KCNQ5: variants seen among roughly 807,000 people sequenced by gnomAD.
KCNQ5 encodes potassium voltage-gated channel subfamily KQT member 5.
A neutral mutation model predicts 98.2 loss-of-function variants in KCNQ5; 30 were observed. That is an observed-to-expected ratio of 0.31 (90% CI 0.23 to 0.41). The LOEUF (loss-of-function observed/expected upper bound fraction) is 0.41. Ranked by LOEUF, KCNQ5 falls within the 10% of genes least tolerant of loss-of-function variation. The probability of loss-of-function intolerance (pLI) is 1.00; values close to 1 mark genes in which losing one functional copy is unlikely to be tolerated. For synonymous variants in KCNQ5, 458 were observed against 449.4 expected, an observed-to-expected ratio of 1.02 and a Z score of -0.24; for missense variants, 835 against 1,182.5, an observed-to-expected ratio of 0.71 and a Z score of 4.31.
At chr6:72,905,306 C>A (rs1779657330) in intron 1 of KCNQ5, among the ~76,000 whole-genome samples, 1 of 152,058 alleles carries the variant, frequency 6.6e-6, no homozygotes, top group African/African-American at 2.4e-5. Flanking sequence ...TTTCCTTTCA[C>A]TGGGCTTCAC....
At chr6:72,794,910 T>C (rs1774249805) in intron 1 of KCNQ5, among the ~76,000 whole-genome samples, 2 of 152,152 alleles carry the variant, frequency 1.3e-5, no homozygotes, top group Non-Finnish European at 2.9e-5. Flanking sequence ...AAAACTGATT[T>C]AAGCAAAAAA....
intron 1 of KCNQ5, among the ~76,000 whole-genome samples, chr6:72,896,935 T>TTG (rs1345447806): frequency 2.0e-5 from 3 of 149,718 alleles, no homozygotes; most frequent in African/African-American, 7.7e-5. Context: ...GTTTTTTGTT[T>TTG]GTTTGTTGGT....
intron 2 of KCNQ5, among the ~76,000 whole-genome samples, chr6:73,030,108 T>C (rs16883199): frequency 0.024 from 3,681 of 152,218 alleles, 69 homozygotes; most frequent in Non-Finnish European, 0.036. Context: ...ATATTAGATT[T>C]TTCTTTGTGA....
chr6:72,809,091 A>T (rs1775101456), intron 1 of KCNQ5, among the ~76,000 whole-genome samples: 1 of 151,708 alleles, frequency 6.6e-6, no homozygotes, highest in Non-Finnish European at 1.5e-5. Flanking sequence ...TGTCCTTTGT[A>T]GGGACATGGA....
intron 1 of KCNQ5, among the ~76,000 whole-genome samples, chr6:72,983,577 CT>C (rs1268010362): frequency 6.6e-6 from 1 of 152,120 alleles, no homozygotes; most frequent in Admixed American, 6.6e-5. Flanking sequence ...TTCATCTAAT[CT>C]TTTTTCAAGG....
At chr6:72,973,723 T>C (rs1009081988) in intron 1 of KCNQ5, among the ~76,000 whole-genome samples, 5 of 152,244 alleles carry the variant, frequency 3.3e-5, no homozygotes, top group African/African-American at 1.2e-4. Context: ...ATGCTCATTT[T>C]ATCTAATACA....
intron 10 of KCNQ5, among the ~76,000 whole-genome samples, chr6:73,160,312 G>A (rs1470675893): frequency 1.3e-5 from 2 of 152,160 alleles, no homozygotes; most frequent in Admixed American, 1.3e-4. Context: ...CACCGCGCCC[G>A]GCCTTCCGCT....
At chr6:72,825,153 C>CA (rs570034045) in intron 1 of KCNQ5, among the ~76,000 whole-genome samples, 44 of 151,530 alleles carry the variant, frequency 2.9e-4, no homozygotes, top group African/African-American at 8.7e-4. Flanking sequence ...ACAACAACAA[C>CA]AAAAAAACGA....
At chr6:72,858,484 A>G (rs533921205) in intron 1 of KCNQ5, among the ~76,000 whole-genome samples, 12 of 151,602 alleles carry the variant, frequency 7.9e-5, no homozygotes, top group Non-Finnish European at 1.5e-4. Context: ...ATTTATATAT[A>G]TTTATATTTT....
chr6:72,716,710 A>G (rs930750122), intron 1 of KCNQ5, among the ~76,000 whole-genome samples: 1 of 152,214 alleles, frequency 6.6e-6, no homozygotes, highest in Admixed American at 6.5e-5. Flanking sequence ...ATGAACTGTC[A>G]TATTTAGGTT....
At chr6:72,969,045 A>T (rs1390643095) in intron 1 of KCNQ5, among the ~76,000 whole-genome samples, 2 of 152,226 alleles carry the variant, frequency 1.3e-5, no homozygotes. Context: ...GGCTTCTGTA[A>T]GAACTGTTTG....
intron 7 of KCNQ5, 98 bp from the exon 8 acceptor site, chr6:73,120,385 A>T: frequency 1.2e-6 from 1 of 817,456 alleles, no homozygotes; most frequent in East Asian, 2.8e-5. Context: ...GAGGCAAAAG[A>T]TTCTTCATGT....
chr6:72,728,289 T>C (rs992297964), intron 1 of KCNQ5, among the ~76,000 whole-genome samples: 1 of 140,452 alleles, frequency 7.1e-6, no homozygotes, highest in African/African-American at 2.7e-5. Context: ...TTTTAGGAAA[T>C]TCCCATACTT....
At chr6:72,877,226 C>T (rs542440887) in intron 1 of KCNQ5, among the ~76,000 whole-genome samples, 1 of 152,042 alleles carries the variant, frequency 6.6e-6, no homozygotes, top group Non-Finnish European at 1.5e-5. Context: ...CCCCGACCCC[C>T]CCGACAGGCC....
intron 1 of KCNQ5, among the ~76,000 whole-genome samples, chr6:72,897,110 G>A (rs1779283794): frequency 6.6e-6 from 1 of 152,136 alleles, no homozygotes; most frequent in African/African-American, 2.4e-5. Flanking sequence ...GATGGGAAGA[G>A]CAGAGTACTC....
At chr6:72,846,645 C>A (rs1437626248) in intron 1 of KCNQ5, among the ~76,000 whole-genome samples, 1 of 152,144 alleles carries the variant, frequency 6.6e-6, no homozygotes, top group East Asian at 1.9e-4. Flanking sequence ...TGCCACTGCA[C>A]TTCAGCTTGG....
At chr6:73,053,552 T>A (rs941278436) in intron 3 of KCNQ5, among the ~76,000 whole-genome samples, 20 of 151,900 alleles carry the variant, frequency 1.3e-4, no homozygotes, top group South Asian at 2.1e-4. Context: ...CAGACTACAG[T>A]GCAATAAAAA....
At chr6:72,936,212 A>G (rs977243294) in intron 1 of KCNQ5, among the ~76,000 whole-genome samples, 1 of 152,174 alleles carries the variant, frequency 6.6e-6, no homozygotes, top group Non-Finnish European at 1.5e-5. Context: ...AATTTCCTTA[A>G]TCATCTCATC....
At chr6:73,160,663 T>A (rs1777583836) in intron 10 of KCNQ5, among the ~76,000 whole-genome samples, 2 of 152,196 alleles carry the variant, frequency 1.3e-5, no homozygotes, top group South Asian at 2.1e-4. Context: ...GCAAAATATA[T>A]CAGCAGCACC....
Sources: gnomAD v4.1 joint callset for allele counts (sites outside exome capture counted in the v4.1 genomes callset) on GRCh38, gnomAD v4.1.1 for gene constraint, MANE v1.5 for transcripts, NCBI Gene and HGNC (gene_info 2026-07-23, HGNC 2026-07-21) for gene names.